The following RGS9 variants were observed in gnomAD, a reference collection of about 807,000 sequenced individuals.
The protein encoded by RGS9 is regulator of G-protein signalling 9.
RGS9 carries 78 observed loss-of-function variants against 102.0 expected under a neutral mutation model. The observed-to-expected ratio is 0.76, with a 90% CI of 0.64 to 0.92. RGS9 has a LOEUF of 0.92. RGS9 is among the 40% of genes least tolerant of loss of function. The pLI is 0.00. For missense variants in RGS9, 833 were observed against 866.1 expected (o/e 0.96, Z 0.48); for synonymous variants, 353 against 318.6 (o/e 1.11, Z -1.15).
rs528517035 is a variant in RGS9 at position 65,151,131 on chromosome 17, G to A, written c.58-2291G>A. On this transcript the variant is annotated intron_variant, in intron 1 of 18. Transcript: ENST00000262406. ...AGGCTGAGGCAGGTGGATCACTTGAGGTCAGGAGTTTGAGACCAGCGTGGC... is the reference window on the plus strand; with the variant it reads ...AGGCTGAGGCAGGTGGATCACTTGAAGTCAGGAGTTTGAGACCAGCGTGGC... Among the ~76,000 whole-genome samples, 6 of 152,256 alleles carry A rather than the reference G, an allele frequency of 3.9e-5. No homozygotes were observed. The South Asian group carries it at 1.2e-3, about 32-fold the overall frequency.
At chr17:65,170,769 T>C (rs963898376) in intron 8 of RGS9, among the ~76,000 whole-genome samples, 1 of 152,148 alleles carries the variant, frequency 6.6e-6, no homozygotes, top group African/African-American at 2.4e-5. Flanking sequence ...GACTAAAAAC[T>C]GCTCCCCACA....
rs527659489 is a variant in RGS9 at position 65,166,221 on chromosome 17, G to A, written c.501-1979G>A. Among the ~76,000 whole-genome samples, 5 of 152,292 alleles carry A rather than the reference G, an allele frequency of 3.3e-5. No homozygotes were observed. In the East Asian group the frequency reaches 7.7e-4, roughly 23 times the overall value. ...CTCAGAAATTAGTGCCATGCCTGAC[G>A]TCCCATGTTGGTAGAAACCATCACA... On this transcript the variant is annotated intron_variant, in intron 7 of 18. Transcript: ENST00000262406.
At chr17:65,202,413 G>A (rs1912887666) in intron 14 of RGS9, among the ~76,000 whole-genome samples, 1 of 125,092 alleles carries the variant, frequency 8.0e-6, no homozygotes, top group Admixed American at 8.5e-5. Context: ...TGAGGGGTGT[G>A]TGTGTGTGTG....
At chr17:65,193,434 T>C (rs1245308216) in intron 11 of RGS9, 109 bp from the exon 12 acceptor site, 1 of 755,878 alleles carries the variant, frequency 1.3e-6, no homozygotes, top group South Asian at 1.5e-5. Context: ...AATAAGTATG[T>C]CACCAAATCG....
chr17:65,187,333 C>T (rs1286645361), intron 9 of RGS9, among the ~76,000 whole-genome samples: 2 of 152,096 alleles, frequency 1.3e-5, no homozygotes, highest in Non-Finnish European at 2.9e-5. Flanking sequence ...ATTCAAATGG[C>T]GATCAGTGCT....
intron 2 of RGS9, among the ~76,000 whole-genome samples, chr17:65,154,679 G>T (rs988345720): frequency 6.6e-6 from 1 of 152,138 alleles, no homozygotes; most frequent in Admixed American, 6.6e-5. Flanking sequence ...CATCATTTGG[G>T]GATATTGGCA....
At chr17:65,217,617 G>A (rs1029290218) in intron 17 of RGS9, among the ~76,000 whole-genome samples, 4 of 152,216 alleles carry the variant, frequency 2.6e-5, no homozygotes, top group African/African-American at 9.6e-5. Context: ...TGGGAGGAAG[G>A]CGAGAGATAT....
intron 1 of RGS9, among the ~76,000 whole-genome samples, chr17:65,137,928 T>C (rs1213620317): frequency 1.3e-5 from 2 of 152,192 alleles, no homozygotes; most frequent in African/African-American, 4.8e-5. Flanking sequence ...CGACCAGATG[T>C]GACATTGCCA....
chr17:65,190,824 A>T (rs1233294539), intron 11 of RGS9, among the ~76,000 whole-genome samples: 1 of 152,154 alleles, frequency 6.6e-6, no homozygotes, highest in African/African-American at 2.4e-5. Flanking sequence ...TTATCTTAGG[A>T]CTGCATTTCT....
At chr17:65,214,345 C>G (rs1913412766) in intron 17 of RGS9, among the ~76,000 whole-genome samples, 1 of 152,216 alleles carries the variant, frequency 6.6e-6, no homozygotes, top group South Asian at 2.1e-4. Context: ...AAAATGGTCT[C>G]TGCCCTCAAG....
rs965949626 is a variant in RGS9, at chr17:65,173,214, G to A, written c.583-4518G>A. Reference sequence around the variant, plus strand: ...TGGGATTACAGGCATGAGCCACCGCGCCTGGCCTCATCTCTATTTCTTTCC... The same window carrying A: ...TGGGATTACAGGCATGAGCCACCGCACCTGGCCTCATCTCTATTTCTTTCC... On this transcript the variant is annotated intron_variant, in intron 8 of 18. Transcript: ENST00000262406. This position sits in a 1 kb window ranked among gnomAD's most constrained non-coding sequence, Gnocchi z 4.8. Among the ~76,000 whole-genome samples the A allele has an allele frequency of 1.3e-5, 2 of 152,080 alleles. No individual in the cohort carries two copies. Among genetic ancestry groups the A allele is most frequent in the East Asian group, 3.9e-4 (2 of 5,190 alleles).
At chr17:65,164,891 A>G (rs1911119782) in intron 7 of RGS9, among the ~76,000 whole-genome samples, 1 of 152,274 alleles carries the variant, frequency 6.6e-6, no homozygotes, top group Middle Eastern at 3.4e-3. Context: ...TTACCATAGT[A>G]ATTATTGTCA....
intron 7 of RGS9, among the ~76,000 whole-genome samples, chr17:65,164,824 G>C (rs1341856103): frequency 5.9e-5 from 9 of 152,180 alleles, no homozygotes; most frequent in Admixed American, 5.9e-4. Flanking sequence ...TGTTCATAAG[G>C]CTTCATTTGG....
At chr17:65,155,013 T>C (rs1910715881) in intron 2 of RGS9, among the ~76,000 whole-genome samples, 1 of 152,210 alleles carries the variant, frequency 6.6e-6, no homozygotes, top group South Asian at 2.1e-4. Context: ...TCACTCAGGT[T>C]TCCTTGCATG....
At chr17:65,223,580 G>C (rs1905459814) in intron 17 of RGS9, among the ~76,000 whole-genome samples, 1 of 152,200 alleles carries the variant, frequency 6.6e-6, no homozygotes, top group Non-Finnish European at 1.5e-5. Context: ...CAGGGACCAG[G>C]GCTACCTCCT....
In RGS9 at chr17:65,189,290, A is replaced by C. The variant is rs762618673; in HGVS notation, c.659A>C (p.Gln220Pro). 6.2e-6 allele frequency: 10 copies of C among 1,612,554 alleles called. No homozygotes were observed. The Admixed American group carries it at 1.0e-4, about 16-fold the overall frequency. Residue 220 changes from glutamine to proline, a missense_variant, in exon 10 of 19, where the codon CAA becomes CCA. Gln to Pro is a moderately conservative substitution (Grantham distance 76). Around this residue, in one of 3 missense-constraint regions of RGS9, gnomAD observed 328 missense variants for 340.6 expected, o/e 0.96. Transcript: ENST00000262406. ...TTTTGTTTCTTTGTCTTACAGAAAC[A>C]AACAGTCGTTGCTGTCAAAAAAGAG... ...NPNEVKVNQK[Q>P]TVVAVKKEIM... is the part of the protein sequence containing the mutation.
chr17:65,220,361 G>C (rs1035500004), intron 17 of RGS9, among the ~76,000 whole-genome samples: 5 of 152,224 alleles, frequency 3.3e-5, no homozygotes, highest in Non-Finnish European at 7.3e-5. Context: ...CATGTCCTCT[G>C]TCTGCAGCTT....
intron 2 of RGS9, among the ~76,000 whole-genome samples, chr17:65,157,502 C>T (rs994868038): frequency 1.3e-5 from 2 of 151,814 alleles, no homozygotes; most frequent in Middle Eastern, 6.8e-3. Flanking sequence ...GTGGGTGGGA[C>T]GGGTGTACGG....
intron 12 of RGS9, among the ~76,000 whole-genome samples, chr17:65,196,842 G>A (rs929070906): frequency 2.6e-5 from 4 of 152,224 alleles, no homozygotes; most frequent in South Asian, 2.1e-4. Context: ...ATTTGAATTC[G>A]TTTGTCCTTA....
Sources: allele counts gnomAD v4.1 joint callset (sites outside exome capture counted in the v4.1 genomes callset), GRCh38; gene constraint gnomAD v4.1.1; regional missense constraint gnomAD v4.1.1; non-coding constraint Gnocchi (gnomAD v3.1); transcripts MANE v1.5; gene names NCBI Gene and HGNC (gene_info 2026-07-23, HGNC 2026-07-21).